The following CAMTA1 variants were observed in gnomAD, a reference collection of about 807,000 sequenced individuals.
CAMTA1 encodes calmodulin-binding transcription activator 1.
CAMTA1 carries 27 observed loss-of-function variants against 170.9 expected under a neutral mutation model. The observed-to-expected ratio is 0.16, with a 90% CI of 0.12 to 0.22. CAMTA1 has a LOEUF of 0.22. Among genes scored for constraint, CAMTA1 ranks in the 10% least tolerant of loss-of-function variants. CAMTA1 has a pLI of 1.00. For synonymous variants in CAMTA1, 833 were observed against 891.5 expected, an observed-to-expected ratio of 0.93 and a Z score of 1.17; for missense variants, 1,619 against 2,217.2, an observed-to-expected ratio of 0.73 and a Z score of 5.42.
intron 11 of CAMTA1, among the ~76,000 whole-genome samples, chr1:7,686,713 T>G (rs1576870202): frequency 6.6e-6 from 1 of 152,256 alleles, no homozygotes; most frequent in East Asian, 1.9e-4. Flanking sequence ...CAGAGACTAC[T>G]CCAGGGCTCT....
intron 5 of CAMTA1, chr1:7,369,128 T>A (rs2086241111): frequency 6.6e-6 from 1 of 152,152 alleles, no homozygotes; most frequent in Non-Finnish European, 1.5e-5. Flanking sequence ...TAGGGTGGTG[T>A]CCTCAGTGAG....
rs1383417693 is a variant in CAMTA1, at chr1:7,532,499, A to T, written c.510+64598A>T. On this transcript the variant is annotated intron_variant, in intron 6 of 22. Coordinates refer to ENST00000303635, the MANE Select transcript of CAMTA1 (RefSeq NM_015215.4). The surrounding 1 kb of genome is among the most constrained non-coding windows in gnomAD (Gnocchi z 4.2). ...TGTTTGTTTTAGGGACGGGGCTCTT[A>T]CCATGTTGCCCAGGTTGGTCTTGAA... is the stretch of plus-strand genomic sequence containing the variant. Among the ~76,000 whole-genome samples, 1 of 151,898 alleles carries T rather than the reference A, an allele frequency of 6.6e-6. No individual in the cohort carries two copies. Among genetic ancestry groups the T allele is most frequent in the African/African-American group, 2.4e-5 (1 of 41,286 alleles).
intron 6 of CAMTA1, among the ~76,000 whole-genome samples, chr1:7,627,745 T>A (rs1356672529): frequency 1.3e-5 from 2 of 152,326 alleles, no homozygotes; most frequent in Non-Finnish European, 1.5e-5. Context: ...CTTAATTCCT[T>A]ACGTTTTAGA....
intron 4 of CAMTA1, among the ~76,000 whole-genome samples, chr1:7,220,768 C>G (rs1023158247): frequency 6.6e-6 from 1 of 152,230 alleles, no homozygotes; most frequent in African/African-American, 2.4e-5. Context: ...GCTCGGGCAC[C>G]CAGGTGGCAC....
At chr1:7,138,994 C>CAA (rs750880250) in intron 4 of CAMTA1, among the ~76,000 whole-genome samples, 1,606 of 122,706 alleles carry the variant, frequency 0.013, 20 homozygotes, top group East Asian at 0.03. Flanking sequence ...GACTCTGTCT[C>CAA]AAAAAAATAT....
intron 4 of CAMTA1, among the ~76,000 whole-genome samples, chr1:7,229,042 T>C (rs773250937): frequency 2.0e-5 from 3 of 151,894 alleles, no homozygotes; most frequent in Admixed American, 6.6e-5. Context: ...AGGACAGGCA[T>C]CTCCCTGGAG....
rs879225522 is a variant in CAMTA1, at chr1:7,384,979, C to T, written c.439-82851C>T. On this transcript the variant is annotated intron_variant, in intron 5 of 22. Transcript: ENST00000303635. ...GCCTCTCCTTTCCTGTGTGAGCTCC[C>T]AGGATAGGACATCTCTGCAGGAGGC... is the stretch of plus-strand genomic sequence containing the variant. Among the ~76,000 whole-genome samples, 4 of 152,106 alleles carry T rather than the reference C, an allele frequency of 2.6e-5. 1 individual carries two copies. Among genetic ancestry groups the T allele is most frequent in the Admixed American group, 2.6e-4 (4 of 15,272 alleles).
intron 22 of CAMTA1, among the ~76,000 whole-genome samples, chr1:7,761,989 C>CA (rs2096979897): frequency 6.6e-6 from 1 of 151,928 alleles, no homozygotes; most frequent in Middle Eastern, 3.4e-3. Flanking sequence ...CCTGTCTAGA[C>CA]AAAAAAATTT....
intron 3 of CAMTA1, among the ~76,000 whole-genome samples, chr1:6,873,754 AT>A (rs1156334782): frequency 1.3e-5 from 2 of 152,348 alleles, no homozygotes; most frequent in Non-Finnish European, 2.9e-5. Context: ...ACATGGACAC[AT>A]TTATGGCTTA....
chr1:6,894,563 G>A (rs1441148286), intron 3 of CAMTA1, among the ~76,000 whole-genome samples: 1 of 152,160 alleles, frequency 6.6e-6, no homozygotes, highest in Non-Finnish European at 1.5e-5. Context: ...CAGTAAATAC[G>A]GTGAAGCTGC....
chr1:7,616,706 C>T (rs950948021), intron 6 of CAMTA1, among the ~76,000 whole-genome samples: 1 of 152,174 alleles, frequency 6.6e-6, no homozygotes, highest in African/African-American at 2.4e-5. Flanking sequence ...GGAACACTAG[C>T]AGGCAGAGGG....
In CAMTA1 at chr1:7,155,225, C is replaced by T. The variant is rs772156485; in HGVS notation, c.302+63854C>T. Among the ~76,000 whole-genome samples the T allele has an allele frequency of 4.6e-5, 7 of 151,932 alleles. No homozygotes were observed. In the South Asian group the frequency reaches 6.3e-4, roughly 14 times the overall value. ...CTGTGGACAGGCAGGAAGGTGGCCT[C>T]GGGGGGAAGGGGACAGGGCAGAATG... On this transcript the variant is annotated intron_variant, in intron 4 of 22. Coordinates refer to ENST00000303635, the MANE Select transcript of CAMTA1 (RefSeq NM_015215.4).
intron 6 of CAMTA1, among the ~76,000 whole-genome samples, chr1:7,505,791 G>T (rs2094096500): frequency 6.6e-6 from 1 of 152,182 alleles, no homozygotes; most frequent in African/African-American, 2.4e-5. Flanking sequence ...TTCTCAGTCT[G>T]GGACGGTCTT....
intron 6 of CAMTA1, among the ~76,000 whole-genome samples, chr1:7,511,864 A>G (rs1417968073): frequency 1.3e-5 from 2 of 152,116 alleles, no homozygotes; most frequent in Admixed American, 1.3e-4. Flanking sequence ...CACCTAATAC[A>G]CCATCCCCTG....
intron 3 of CAMTA1, among the ~76,000 whole-genome samples, chr1:6,976,266 C>G (rs1051685976): frequency 1.3e-5 from 2 of 152,128 alleles, no homozygotes; most frequent in African/African-American, 4.8e-5. Flanking sequence ...GCATGCATGT[C>G]AAGGAGAACT....
intron 4 of CAMTA1, among the ~76,000 whole-genome samples, chr1:7,187,263 G>A (rs944268679): frequency 1.4e-4 from 22 of 152,100 alleles, no homozygotes; most frequent in Admixed American, 1.1e-3. Context: ...AGTTTTTACT[G>A]GTCTATGGCA....
chr1:6,881,158 T>C (rs915780841), intron 3 of CAMTA1, among the ~76,000 whole-genome samples: 29 of 152,184 alleles, frequency 1.9e-4, no homozygotes, highest in African/African-American at 6.5e-4. Flanking sequence ...CCAGATTTCA[T>C]GCCCTTAATC....
chr1:7,034,440 C>T (rs1703278252), intron 3 of CAMTA1, among the ~76,000 whole-genome samples: 1 of 152,200 alleles, frequency 6.6e-6, no homozygotes, highest in South Asian at 2.1e-4. Context: ...CGGCGTGAGC[C>T]ACGTGCCCAG....
chr1:7,091,449 G>A, intron 4 of CAMTA1, 78 bp downstream of exon 4: 1 of 1,104,030 alleles, frequency 9.1e-7, no homozygotes, highest in East Asian at 2.4e-5. Flanking sequence ...GATTTGGCCA[G>A]TGAATTCATG....
Sources: allele counts gnomAD v4.1 joint callset (sites outside exome capture counted in the v4.1 genomes callset), GRCh38; gene constraint gnomAD v4.1.1; non-coding constraint Gnocchi (gnomAD v3.1); transcripts MANE v1.5; gene names NCBI Gene and HGNC (gene_info 2026-07-23, HGNC 2026-07-21).